ZZEF1: variants seen among roughly 807,000 people sequenced by gnomAD.
ZZEF1 encodes the protein zinc finger ZZ-type and EF-hand domain containing 1.
A neutral mutation model predicts 342.8 loss-of-function variants in ZZEF1; 157 were observed. That is an observed-to-expected ratio of 0.46 (90% CI 0.40 to 0.52). The LOEUF is 0.52. Among genes scored for constraint, ZZEF1 ranks in the 20% least tolerant of loss-of-function variants. The probability of loss-of-function intolerance (pLI) is 0.00; values close to 1 mark genes in which losing one functional copy is unlikely to be tolerated. For missense variants in ZZEF1, 3,480 were observed against 3,725.6 expected (o/e 0.93, Z 1.72); for synonymous variants, 1,505 against 1,429.1 (o/e 1.05, Z -1.20).
At chr17:4,075,720 A>G (rs1034193584) in intron 21 of ZZEF1, among the ~76,000 whole-genome samples, 5 of 151,462 alleles carry the variant, frequency 3.3e-5, no homozygotes, top group Non-Finnish European at 5.9e-5. Flanking sequence ...GTGAATTCCC[A>G]GTGGAAAAAG....
In ZZEF1 at chr17:4,113,879, G is replaced by A. The variant is rs79661603; in HGVS notation, c.866+420C>T. Among the ~76,000 whole-genome samples, 574 of 151,884 alleles carry A rather than the reference G, an allele frequency of 3.8e-3. 4 individuals are homozygous for A. Among genetic ancestry groups the A allele is most frequent in the African/African-American group, 0.013 (555 of 41,404 alleles). On this transcript the variant is annotated intron_variant, in intron 4 of 54. Coordinates refer to ENST00000381638, the MANE Select transcript of ZZEF1 (RefSeq NM_015113.4). ...CCCAGCGACTGAGACTGAGGCAGGA[G>A]GACTGCTTGAACCCAGGAGTCTGAG... is the stretch of plus-strand genomic sequence containing the variant.
chr17:4,064,498 G>A lies in ZZEF1; in HGVS notation c.4581C>T (p.Pro1527=), dbSNP rs1209552779. 4 of 1,614,082 alleles carry A rather than the reference G, an allele frequency of 2.5e-6. No homozygotes were observed. The highest frequency in any genetic ancestry group is 1.6e-4 in the Middle Eastern group (1 of 6,084). Residue 1527 remains proline, a synonymous_variant, in exon 29 of 55, where the codon CCC becomes CCT. Transcript: ENST00000381638. ...GCAGCCGGAGTCGCCCTCGGGTGAAGGGAGGCCGGCGGGTGGGTGTGGAAG... is the reference window on the plus strand; with the variant it reads ...GCAGCCGGAGTCGCCCTCGGGTGAAAGGAGGCCGGCGGGTGGGTGTGGAAG... ...LSPSTPTRRP[P]FTRGRLRLLS... is the part of the protein sequence containing the mutation.
At chr17:4,103,279 T>G (rs904821723) in intron 8 of ZZEF1, among the ~76,000 whole-genome samples, 1 of 152,080 alleles carries the variant, frequency 6.6e-6, no homozygotes, top group Admixed American at 6.5e-5. Flanking sequence ...TCATGGCTCA[T>G]GCCTGTAAAT....
rs780996234 is a variant in ZZEF1, at chr17:4,096,645, A to C, written c.1728T>G (p.Thr576=). The part of the protein sequence containing the change: ...TRASTIFSTG[T]ESAFQVTQIR... ...TCTGTGTAACTTGGAAGGCAGATTC[A>C]GTTCCGGTAGAAAAAATAGTGCTGG... The change falls in exon 10 of 55, where the codon ACT becomes ACG. Residue 576 remains threonine, a synonymous_variant. Transcript: ENST00000381638. The C allele has an allele frequency of 6.2e-7, 1 of 1,614,150 alleles. No individual in the cohort carries two copies. The highest frequency in any genetic ancestry group is 1.1e-5 in the South Asian group (1 of 91,072).
chr17:4,137,376 C>A (rs575994714), intron 1 of ZZEF1, among the ~76,000 whole-genome samples: 1 of 152,122 alleles, frequency 6.6e-6, no homozygotes, highest in Middle Eastern at 3.2e-3. Flanking sequence ...TTTGGGAGGC[C>A]GAGGTGGGCG....
At chr17:4,137,371 G>T (rs545904154) in intron 1 of ZZEF1, among the ~76,000 whole-genome samples, 34 of 152,296 alleles carry the variant, frequency 2.2e-4, no homozygotes, top group African/African-American at 8.2e-4. Flanking sequence ...AGCACTTTGG[G>T]AGGCCGAGGT....
At chr17:4,067,311 A>T in intron 26 of ZZEF1, 69 bp from the exon 27 acceptor site, 2 of 1,289,112 alleles carry the variant, frequency 1.6e-6, no homozygotes, top group Non-Finnish European at 1.1e-6. Context: ...ATTAAGCACA[A>T]AAAATCTAAA....
At chr17:4,130,228 C>A (rs1384310210) in intron 1 of ZZEF1, among the ~76,000 whole-genome samples, 2 of 152,098 alleles carry the variant, frequency 1.3e-5, no homozygotes, top group Non-Finnish European at 2.9e-5. Flanking sequence ...CTGAGGCAGG[C>A]AGATCACCTG....
intron 9 of ZZEF1, among the ~76,000 whole-genome samples, chr17:4,097,926 CAAAAAAA>C (rs541461547): frequency 7.9e-5 from 5 of 63,672 alleles, no homozygotes; most frequent in Non-Finnish European, 9.0e-5. Flanking sequence ...CCATTTCTAC[CAAAAAAA>C]AAAAAAAAAA....
At chr17:4,073,029 AG>A (rs1487794985) in intron 24 of ZZEF1, among the ~76,000 whole-genome samples, 8 of 152,276 alleles carry the variant, frequency 5.3e-5, no homozygotes, top group Non-Finnish European at 1.0e-4. Flanking sequence ...AGCTGAAAAT[AG>A]GATATGAACC....
chr17:4,007,831 G>A (rs978752391), intron 54 of ZZEF1, among the ~76,000 whole-genome samples: 1 of 152,098 alleles, frequency 6.6e-6, no homozygotes, highest in Non-Finnish European at 1.5e-5. Context: ...CAAAAGGGCG[G>A]TGTGTTCGGA....
intron 1 of ZZEF1, among the ~76,000 whole-genome samples, chr17:4,131,687 G>T (rs975058635): frequency 1.1e-4 from 16 of 152,152 alleles, no homozygotes; most frequent in African/African-American, 3.6e-4. Flanking sequence ...GGCTGAGGTG[G>T]GAGGATCACT....
Position 4,090,790 on chromosome 17 carries a change from T to A in ZZEF1, c.1954A>T (p.Ile652Phe), listed in dbSNP as rs961684877. The change falls in exon 12 of 55, where the codon ATT becomes TTT. Residue 652 changes from isoleucine to phenylalanine, a missense_variant. Physicochemically the swap from Ile to Phe is conservative, Grantham distance 21 (BLOSUM62 0). Coordinates refer to ENST00000381638, the MANE Select transcript of ZZEF1 (RefSeq NM_015113.4). ...SSDDLGEDDP[I>F]GWFELEEEWD... Reference sequence around the variant, plus strand: ...TCTTCTTCCAGTTCAAACCAGCCAATAGGATCATCCTCTCCAAGGTCATCA... The same window carrying A: ...TCTTCTTCCAGTTCAAACCAGCCAAAAGGATCATCCTCTCCAAGGTCATCA... 4 of 1,614,022 alleles carry A rather than the reference T, an allele frequency of 2.5e-6. No homozygotes were observed. The South Asian group carries it at 3.3e-5, about 13-fold the overall frequency.
intron 32 of ZZEF1, 94 bp downstream of exon 32, chr17:4,057,900 T>C (rs2057199590): frequency 7.6e-7 from 1 of 1,308,726 alleles, no homozygotes; most frequent in Non-Finnish European, 1.1e-6. Flanking sequence ...ACAGACAGTC[T>C]AGCTCCGGAG....
Position 4,090,814 on chromosome 17 carries a change from C to G in ZZEF1, c.1930G>C (p.Asp644His), listed in dbSNP as rs369199910. ...ATAGGATCATCCTCTCCAAGGTCAT[C>G]AGATGAGCAACCAATCCTGTAAAGA... ...FVKSRIGCSS[D>H]DLGEDDPIGW... is the part of the protein sequence containing the mutation. The change falls in exon 12 of 55, where the codon GAT becomes CAT. Residue 644 changes from aspartate to histidine, a missense_variant. Asp to His is a moderately conservative substitution (Grantham distance 81). Around this residue, in one of 5 missense-constraint regions of ZZEF1, gnomAD observed 1,528 missense variants for 1,624.1 expected, o/e 0.94. Coordinates refer to ENST00000381638, the MANE Select transcript of ZZEF1 (RefSeq NM_015113.4). 8 of 1,613,878 alleles carry G rather than the reference C, an allele frequency of 5.0e-6. No individual in the cohort carries two copies. In the African/African-American group the frequency reaches 6.7e-5, roughly 13 times the overall value.
intron 39 of ZZEF1, among the ~76,000 whole-genome samples, chr17:4,040,008 C>T (rs138461173): frequency 2.9e-3 from 446 of 152,016 alleles, no homozygotes; most frequent in Non-Finnish European, 5.1e-3. Context: ...TATTTTGACA[C>T]GGTCTAATGA....
rs142024461 is a variant in ZZEF1, at chr17:4,085,745, C to A, written c.2571G>T (p.Arg857Ser). 1.2e-6 allele frequency: 2 copies of A among 1,614,122 alleles called. No individual in the cohort carries two copies. Among genetic ancestry groups the A allele is most frequent in the Non-Finnish European group, 1.7e-6 (2 of 1,180,022 alleles). ...VPMEILKQEV[R>S]NTLLNGAAIF... ...TGGCAGCCCCATTGAGAAGGGTATT[C>A]CTGACTTCTTGTTTTAGTATCTCCA... The change falls in exon 16 of 55, where the codon AGG (arginine) becomes AGT (serine). Residue 857 changes from arginine to serine, a missense_variant. Arg to Ser is a moderately radical substitution (Grantham distance 110). This residue lies in a region of ZZEF1 where 1,528 missense variants were observed against 1,624.1 expected (regional missense o/e 0.94). Transcript: ENST00000381638.
At chr17:4,068,317 T>G (rs1488325908) in intron 26 of ZZEF1, among the ~76,000 whole-genome samples, 3 of 152,136 alleles carry the variant, frequency 2.0e-5, no homozygotes, top group Non-Finnish European at 2.9e-5. Context: ...TTTGCTCATT[T>G]CCCAGACTAG....
chr17:4,050,655 T>TGG, intron 36 of ZZEF1, 126 bp downstream of exon 36: 1 of 1,370,932 alleles, frequency 7.3e-7, no homozygotes, highest in Non-Finnish European at 1.0e-6. Context: ...CACACCAGGG[T>TGG]AAGCCCCTTT....
Sources: gnomAD v4.1 joint callset for allele counts (sites outside exome capture counted in the v4.1 genomes callset) on GRCh38, gnomAD v4.1.1 for gene constraint, gnomAD v4.1.1 regional missense constraint, MANE v1.5 for transcripts, NCBI Gene and HGNC (gene_info 2026-07-23, HGNC 2026-07-21) for gene names.